CHN2: variants seen among roughly 807,000 people sequenced by gnomAD.
The protein encoded by CHN2 is chimerin 2, also known as beta-chimaerin.
CHN2 carries 35 observed loss-of-function variants against 56.3 expected under a neutral mutation model. The ratio of observed to expected loss-of-function variants is 0.62; its 90% CI spans 0.47 to 0.82. CHN2 has a LOEUF of 0.82. Among genes scored for constraint, CHN2 ranks in the 40% least tolerant of loss-of-function variants. The probability of loss-of-function intolerance (pLI) is 0.00; values close to 1 mark genes in which losing one functional copy is unlikely to be tolerated. For missense variants in CHN2, 491 were observed against 580.5 expected, an observed-to-expected ratio of 0.85 and a Z score of 1.58; for synonymous variants, 210 against 212.8, an observed-to-expected ratio of 0.99 and a Z score of 0.12.
intron 1 of CHN2, among the ~76,000 whole-genome samples, chr7:29,270,492 T>TTAA (rs1224239972): frequency 2.8e-5 from 3 of 105,396 alleles, no homozygotes; most frequent in African/African-American, 1.1e-4. Flanking sequence ...CCATCTCTAC[T>TTAA]AAAAAAAAAA....
intron 6 of CHN2, among the ~76,000 whole-genome samples, chr7:29,423,531 A>G (rs1804550571): frequency 6.6e-6 from 1 of 152,236 alleles, no homozygotes; most frequent in Non-Finnish European, 1.5e-5. Flanking sequence ...CATCCTGTGC[A>G]TGCCACTGGC....
intron 2 of CHN2, among the ~76,000 whole-genome samples, chr7:29,155,801 G>C (rs1794280459): frequency 6.6e-6 from 1 of 152,112 alleles, no homozygotes; most frequent in South Asian, 2.1e-4. Context: ...CCTTGTGATG[G>C]ATTTTTTTTT....
In CHN2 at chr7:29,251,782, C is replaced by T. The variant is rs1036954306; in HGVS notation, c.49+56792C>T. On this transcript the variant is annotated intron_variant, in intron 1 of 12. Transcript: ENST00000222792. Reference sequence around the variant, plus strand: ...GAGTGTTTACTTTCAACTGTGAAAACGAAGCCAGATTTGGAACTAGTAAGG... The same window carrying T: ...GAGTGTTTACTTTCAACTGTGAAAATGAAGCCAGATTTGGAACTAGTAAGG... Among the ~76,000 whole-genome samples, 13 of 152,198 alleles carry T rather than the reference C, an allele frequency of 8.5e-5. No homozygotes were observed. The South Asian group carries it at 2.1e-3, about 24-fold the overall frequency.
intron 1 of CHN2, 54 bp downstream of exon 1, chr7:29,195,044 C>G (rs1220234948): frequency 6.5e-7 from 1 of 1,547,248 alleles, no homozygotes; most frequent in Admixed American, 1.8e-5. Flanking sequence ...CCCCACTGCC[C>G]TCGCCCCGCA....
intron 1 of CHN2, among the ~76,000 whole-genome samples, chr7:29,323,418 A>G (rs1795523076): frequency 6.6e-6 from 1 of 152,084 alleles, no homozygotes; most frequent in African/African-American, 2.4e-5. Context: ...TGGCCCCCTC[A>G]TTATTCTGCT....
At chr7:29,477,069 A>G (rs1389203631) in intron 6 of CHN2, among the ~76,000 whole-genome samples, 1 of 152,216 alleles carries the variant, frequency 6.6e-6, no homozygotes, top group Non-Finnish European at 1.5e-5. Context: ...GCTGAGATAA[A>G]AAAGAGCTCT....
At chr7:29,268,965 CAT>C (rs892485809) in intron 1 of CHN2, among the ~76,000 whole-genome samples, 4 of 152,104 alleles carry the variant, frequency 2.6e-5, no homozygotes, top group East Asian at 1.9e-4. Context: ...TTGTGGGGAA[CAT>C]GTGATATTTT....
At chr7:29,483,433 A>G (rs1468784) in intron 7 of CHN2, among the ~76,000 whole-genome samples, 133,008 of 152,194 alleles carry the variant, frequency 0.87, 58,334 homozygotes, top group East Asian at 1. Context: ...GACAGTTGGC[A>G]CCTCATCGCA....
At chr7:29,431,056 A>T (rs982207867) in intron 6 of CHN2, among the ~76,000 whole-genome samples, 17 of 152,192 alleles carry the variant, frequency 1.1e-4, no homozygotes, top group African/African-American at 3.9e-4. Flanking sequence ...GGGGGCAGAG[A>T]ATCTGCCCCC....
At chr7:29,302,500 CTTTT>C (rs70980525) in intron 1 of CHN2, among the ~76,000 whole-genome samples, 7 of 117,814 alleles carry the variant, frequency 5.9e-5, no homozygotes, top group Admixed American at 8.9e-5. Context: ...AATTTTAATT[CTTTT>C]TTTTTTTTTT....
chr7:29,314,828 G>A (rs553246471), intron 1 of CHN2, among the ~76,000 whole-genome samples: 11 of 151,686 alleles, frequency 7.3e-5, no homozygotes, highest in Admixed American at 2.6e-4. Context: ...TTTTTCTAGC[G>A]TCTTATAAGC....
chr7:29,230,425 G>A (rs1212801491), intron 1 of CHN2, among the ~76,000 whole-genome samples: 4 of 152,054 alleles, frequency 2.6e-5, no homozygotes, highest in African/African-American at 9.7e-5. Context: ...ACTGCAGCCT[G>A]TGCCTCCCGG....
intron 1 of CHN2, among the ~76,000 whole-genome samples, chr7:29,273,388 T>TATATAC (rs1384075086): frequency 4.8e-5 from 2 of 41,904 alleles, no homozygotes; most frequent in Non-Finnish European, 8.3e-5. Flanking sequence ...TATATATATA[T>TATATAC]ACACACACCA....
At chr7:29,497,036 C>G (rs1469456820) in intron 8 of CHN2, among the ~76,000 whole-genome samples, 1 of 152,192 alleles carries the variant, frequency 6.6e-6, no homozygotes, top group Non-Finnish European at 1.5e-5. Context: ...ACCCTAAGTC[C>G]TCCTCTCTGC....
At chr7:29,426,824 T>G (rs1296481694) in intron 6 of CHN2, among the ~76,000 whole-genome samples, 1 of 152,070 alleles carries the variant, frequency 6.6e-6, no homozygotes, top group African/African-American at 2.4e-5. Context: ...TTTCCTTGAG[T>G]TTGTAGATAT....
At chr7:29,237,628 T>TA (rs765139626) in intron 1 of CHN2, among the ~76,000 whole-genome samples, 16 of 152,158 alleles carry the variant, frequency 1.1e-4, no homozygotes, top group Non-Finnish European at 1.9e-4. Flanking sequence ...ATCTAACCTC[T>TA]AGGCTAAAGC....
chr7:29,221,734 C>A (rs558424974), intron 1 of CHN2, among the ~76,000 whole-genome samples: 2 of 152,118 alleles, frequency 1.3e-5, no homozygotes, highest in Non-Finnish European at 2.9e-5. Flanking sequence ...TTCCTGCATT[C>A]GTTTGCTGAG....
chr7:29,226,374 A>AT (rs1430253074), intron 1 of CHN2, among the ~76,000 whole-genome samples: 1 of 152,240 alleles, frequency 6.6e-6, no homozygotes, highest in Non-Finnish European at 1.5e-5. Flanking sequence ...AGAGTCACTG[A>AT]TTTTTTATAG....
intron 1 of CHN2, among the ~76,000 whole-genome samples, chr7:29,244,978 A>G (rs1430160622): frequency 1.3e-5 from 2 of 152,040 alleles, no homozygotes; most frequent in Non-Finnish European, 2.9e-5. Flanking sequence ...CCGTGTCTTC[A>G]ATTTCTTATT....
Sources: allele counts gnomAD v4.1 joint callset (sites outside exome capture counted in the v4.1 genomes callset), GRCh38; gene constraint gnomAD v4.1.1; transcripts MANE v1.5; gene names NCBI Gene and HGNC (gene_info 2026-07-23, HGNC 2026-07-21).